The following RPS6KA5 variants were observed in gnomAD, a reference collection of about 807,000 sequenced individuals.
RPS6KA5 encodes the protein ribosomal protein S6 kinase alpha-5.
RPS6KA5 carries 27 observed loss-of-function variants against 85.5 expected under a neutral mutation model. The observed-to-expected ratio is 0.32, with a 90% CI of 0.23 to 0.44. RPS6KA5 has a LOEUF of 0.44. RPS6KA5 is among the 20% of genes least tolerant of loss of function. The pLI is 1.00. For synonymous variants in RPS6KA5, 334 were observed against 348.2 expected (o/e 0.96, Z 0.46); for missense variants, 811 against 980.9 (o/e 0.83, Z 2.31).
At chr14:90,891,676 C>T (rs1018114703) in intron 13 of RPS6KA5, among the ~76,000 whole-genome samples, 2 of 152,096 alleles carry the variant, frequency 1.3e-5, no homozygotes, top group Non-Finnish European at 2.9e-5. Flanking sequence ...AGAAAAATCT[C>T]CTAAGTCTTC....
At chr14:90,897,155 A>T (rs2034886132) in intron 12 of RPS6KA5, among the ~76,000 whole-genome samples, 1 of 152,200 alleles carries the variant, frequency 6.6e-6, no homozygotes, top group Non-Finnish European at 1.5e-5. Flanking sequence ...CGCAGTTCAC[A>T]ATAGAGTTTG....
At chr14:90,886,092 GTC>G (rs1312671488) in intron 14 of RPS6KA5, among the ~76,000 whole-genome samples, 1 of 151,810 alleles carries the variant, frequency 6.6e-6, no homozygotes, top group Non-Finnish European at 1.5e-5. Flanking sequence ...ATATATGTAT[GTC>G]TGCATATATG....
intron 14 of RPS6KA5, among the ~76,000 whole-genome samples, chr14:90,880,119 G>A (rs1430053968): frequency 6.6e-6 from 1 of 151,974 alleles, no homozygotes; most frequent in African/African-American, 2.4e-5. Flanking sequence ...ATTTTTTATT[G>A]TGTTAAAATA....
At chr14:90,886,518 C>T (rs550860619) in intron 14 of RPS6KA5, among the ~76,000 whole-genome samples, 3 of 152,184 alleles carry the variant, frequency 2.0e-5, no homozygotes, top group African/African-American at 7.2e-5. Flanking sequence ...TACGGGTAGG[C>T]CCCTGATCCA....
chr14:91,005,427 C>T (rs936166066), intron 1 of RPS6KA5, among the ~76,000 whole-genome samples: 2 of 152,200 alleles, frequency 1.3e-5, no homozygotes, highest in Admixed American at 6.5e-5. Flanking sequence ...CTGTTCCTGA[C>T]TCTGAGTCTT....
chr14:90,913,384 C>A (rs778762787), intron 7 of RPS6KA5, among the ~76,000 whole-genome samples: 1 of 152,150 alleles, frequency 6.6e-6, no homozygotes, highest in Non-Finnish European at 1.5e-5. Flanking sequence ...CATGATACTG[C>A]AAAGATTTTG....
At chr14:91,020,534 CTGTGTGTGTGTG>C (rs34407471) in intron 1 of RPS6KA5, among the ~76,000 whole-genome samples, 44 of 110,056 alleles carry the variant, frequency 4.0e-4, no homozygotes, top group South Asian at 1.6e-3. Flanking sequence ...TAAGGAATGA[CTGTGTGTGTGTG>C]TGTGTGTGTG....
At chr14:90,892,077 C>A (rs980077029) in intron 13 of RPS6KA5, among the ~76,000 whole-genome samples, 2 of 151,550 alleles carry the variant, frequency 1.3e-5, no homozygotes, top group African/African-American at 4.9e-5. Flanking sequence ...TGGCTCACTG[C>A]AACCTCCACC....
chr14:91,004,442 CA>C (rs1232672973), intron 1 of RPS6KA5, among the ~76,000 whole-genome samples: 2 of 152,150 alleles, frequency 1.3e-5, no homozygotes, highest in Non-Finnish European at 2.9e-5. Context: ...TTAATCCTTA[CA>C]ATAGTCCTCA....
At chr14:91,016,866 CAAAAAAA>C (rs34806962) in intron 1 of RPS6KA5, among the ~76,000 whole-genome samples, 3 of 120,798 alleles carry the variant, frequency 2.5e-5, no homozygotes, top group African/African-American at 6.2e-5. Flanking sequence ...TCTAAACAGG[CAAAAAAA>C]AAAAAAAAAA....
intron 1 of RPS6KA5, 26 bp downstream of exon 1, chr14:91,060,306 G>C (rs1471958051): frequency 3.3e-6 from 4 of 1,229,662 alleles, no homozygotes; most frequent in Non-Finnish European, 4.1e-6. Flanking sequence ...CGCCGGGCCC[G>C]GCCGGCAGAG....
At chr14:91,055,132 T>C (rs1276179051) in intron 1 of RPS6KA5, among the ~76,000 whole-genome samples, 4 of 152,206 alleles carry the variant, frequency 2.6e-5, no homozygotes, top group Non-Finnish European at 5.9e-5. Context: ...TTGGTTAGGC[T>C]GTGAAGGAAC....
At chr14:91,048,685 A>G (rs1426885854) in intron 1 of RPS6KA5, among the ~76,000 whole-genome samples, 3 of 152,192 alleles carry the variant, frequency 2.0e-5, no homozygotes, top group Non-Finnish European at 4.4e-5. Context: ...TCCCTGAAAA[A>G]CAAGATGAAT....
At position 90,868,270 on chromosome 14, in the gene RPS6KA5, A is replaced by G. The variant is rs1400863778; in HGVS notation, c.*3804T>C. 1.3e-5 allele frequency: 2 copies of G among 152,000 alleles called. No homozygotes were observed. The highest frequency in any genetic ancestry group is 2.9e-5 in the Non-Finnish European group (2 of 68,002). The allele number at this position is 152,000 out of a possible 1,614,324, so 9.4% of individuals were successfully genotyped here. On this transcript the variant is annotated 3_prime_UTR_variant, in exon 17 of 17. Coordinates refer to ENST00000614987, the MANE Select transcript of RPS6KA5 (RefSeq NM_004755.4). ...ATTCTTGAGTTTTACAATGTCTCCT[A>G]TCCAAACTTCAAATTTCATTAGAGC...
At chr14:91,013,706 T>A (rs1475831916) in intron 1 of RPS6KA5, among the ~76,000 whole-genome samples, 1 of 152,166 alleles carries the variant, frequency 6.6e-6, no homozygotes, top group African/African-American at 2.4e-5. Flanking sequence ...AATAAAAGAT[T>A]TTAAGGAGAA....
chr14:90,940,903 T>A (rs1397666565), intron 5 of RPS6KA5, among the ~76,000 whole-genome samples: 1 of 152,186 alleles, frequency 6.6e-6, no homozygotes, highest in Non-Finnish European at 1.5e-5. Context: ...ATGATAAATG[T>A]AATGTGCTTG....
At chr14:90,888,218 T>C (rs934038343) in intron 14 of RPS6KA5, among the ~76,000 whole-genome samples, 12 of 152,172 alleles carry the variant, frequency 7.9e-5, no homozygotes, top group African/African-American at 2.7e-4. Context: ...GAGAGAAGCA[T>C]GGCTTCCATC....
At position 90,871,883 on chromosome 14, in the gene RPS6KA5, C is replaced by A; in HGVS notation, c.*191G>T. On this transcript the variant is annotated 3_prime_UTR_variant, in exon 17 of 17. Coordinates refer to ENST00000614987, the MANE Select transcript of RPS6KA5 (RefSeq NM_004755.4). ...GTTGCTAAAAAGAGTAATATGTGCT[C>A]TATTCACAGTAACATTCTCTGTCCA... The A allele has an allele frequency of 1.6e-6, 1 of 636,782 alleles. No individual in the cohort carries two copies. Among genetic ancestry groups the A allele is most frequent in the Non-Finnish European group, 2.6e-6 (1 of 380,570 alleles). 39.4% of individuals were successfully genotyped at this position (636,782 alleles called of 1,614,324 possible).
intron 1 of RPS6KA5, among the ~76,000 whole-genome samples, chr14:91,023,831 C>T (rs2041887224): frequency 6.6e-6 from 1 of 152,166 alleles, no homozygotes; most frequent in African/African-American, 2.4e-5. Flanking sequence ...CTAACAATAT[C>T]ACTCAATATT....
Sources: gnomAD v4.1 joint callset for allele counts (sites outside exome capture counted in the v4.1 genomes callset) on GRCh38, gnomAD v4.1.1 for gene constraint, MANE v1.5 for transcripts, NCBI Gene and HGNC (gene_info 2026-07-23, HGNC 2026-07-21) for gene names.